The following CDH12 variants were observed in gnomAD, a reference collection of about 807,000 sequenced individuals.
CDH12 encodes the protein cadherin-12.
A neutral mutation model predicts 74.1 loss-of-function variants in CDH12; 41 were observed. The observed-to-expected ratio is 0.55, with a 90% CI of 0.43 to 0.72. The LOEUF (loss-of-function observed/expected upper bound fraction) is 0.72, where lower values mean the gene tolerates loss of function less well. CDH12 is among the 30% of genes least tolerant of loss of function. The pLI, the probability that CDH12 is intolerant of heterozygous loss-of-function variation, is 0.00. For synonymous variants in CDH12, 399 were observed against 355.0 expected (o/e 1.12, Z -1.39); for missense variants, 945 against 977.2 (o/e 0.97, Z 0.44).
intron 3 of CDH12, among the ~76,000 whole-genome samples, chr5:22,343,321 C>G (rs866655098): frequency 2.1e-3 from 263 of 124,232 alleles, no homozygotes; most frequent in African/African-American, 8.9e-3. Flanking sequence ...CAGACACACA[C>G]ACAGAGAGAG....
At chr5:22,508,256 G>A (rs1193858874) in intron 1 of CDH12, among the ~76,000 whole-genome samples, 2 of 152,088 alleles carry the variant, frequency 1.3e-5, no homozygotes, top group African/African-American at 4.8e-5. Flanking sequence ...TCCTATCTAA[G>A]GGGTCTGGAG....
rs558824227 is a variant in CDH12 at position 22,153,984 on chromosome 5, A to C, written c.-187+58514T>G. ...TATATATACACACATACATGCACAG[A>C]TATATATGTATATATATGTATATAT... On this transcript the variant is annotated intron_variant, in intron 4 of 14. Transcript: ENST00000382254. Among the ~76,000 whole-genome samples the C allele has an allele frequency of 7.4e-5, 11 of 148,182 alleles. No individual in the cohort carries two copies. In the East Asian group the frequency reaches 1.6e-3, roughly 21 times the overall value.
At chr5:21,970,701 G>A (rs1238753579) in intron 6 of CDH12, among the ~76,000 whole-genome samples, 1 of 151,708 alleles carries the variant, frequency 6.6e-6, no homozygotes, top group East Asian at 2.0e-4. Context: ...TTAGCTGAGT[G>A]TGGTGGTGCA....
At chr5:22,493,878 A>G (rs1477903810) in intron 2 of CDH12, among the ~76,000 whole-genome samples, 1 of 152,176 alleles carries the variant, frequency 6.6e-6, no homozygotes, top group African/African-American at 2.4e-5. Context: ...CAGACAATAA[A>G]CAATGTGATG....
At chr5:21,776,624 G>T (rs1204051657) in intron 11 of CDH12, among the ~76,000 whole-genome samples, 1 of 152,030 alleles carries the variant, frequency 6.6e-6, no homozygotes, top group Non-Finnish European at 1.5e-5. Flanking sequence ...TTCTATTTAT[G>T]TGCCATCCTC....
At chr5:22,279,590 T>C (rs965754230) in intron 3 of CDH12, among the ~76,000 whole-genome samples, 1 of 152,092 alleles carries the variant, frequency 6.6e-6, no homozygotes, top group African/African-American at 2.4e-5. Flanking sequence ...AGTGTTCTCA[T>C]TGCTCAATTC....
intron 1 of CDH12, among the ~76,000 whole-genome samples, chr5:22,714,509 G>A (rs191379786): frequency 6.6e-6 from 1 of 152,226 alleles, no homozygotes; most frequent in East Asian, 1.9e-4. Flanking sequence ...TCTGATGGCA[G>A]GTCATGAGGA....
At chr5:21,913,343 T>A (rs1379861974) in intron 6 of CDH12, among the ~76,000 whole-genome samples, 10 of 152,184 alleles carry the variant, frequency 6.6e-5, no homozygotes. Context: ...CAATTTTTTT[T>A]AATTAAATAC....
intron 12 of CDH12, among the ~76,000 whole-genome samples, chr5:21,763,565 A>G (rs1294615993): frequency 1.3e-5 from 2 of 152,206 alleles, no homozygotes; most frequent in African/African-American, 4.8e-5. Context: ...TAGTTACGCT[A>G]TTTAAAGGTG....
chr5:22,648,673 G>C (rs561551819), intron 1 of CDH12, among the ~76,000 whole-genome samples: 1 of 151,892 alleles, frequency 6.6e-6, no homozygotes, highest in Non-Finnish European at 1.5e-5. Context: ...TCAAACATAT[G>C]TTCATTATAT....
intron 1 of CDH12, among the ~76,000 whole-genome samples, chr5:22,658,912 G>C (rs1027774265): frequency 6.6e-6 from 1 of 151,002 alleles, no homozygotes; most frequent in Non-Finnish European, 1.5e-5. Flanking sequence ...AAGGCTTATA[G>C]GGGGGGATGT....
chr5:22,562,762 GAAGA>G (rs961583776), intron 1 of CDH12, among the ~76,000 whole-genome samples: 28 of 151,028 alleles, frequency 1.9e-4, no homozygotes, highest in African/African-American at 6.8e-4. Context: ...CTTGACCTTG[GAAGA>G]AAGAGAGACA....
chr5:22,317,190 C>G (rs920006771), intron 3 of CDH12, among the ~76,000 whole-genome samples: 1 of 151,766 alleles, frequency 6.6e-6, no homozygotes, highest in Non-Finnish European at 1.5e-5. Flanking sequence ...TACTGGCGGG[C>G]GCCTGTAATC....
In CDH12 at chr5:22,380,632, T is replaced by G. The variant is rs553221506; in HGVS notation, c.-333+24625A>C. On this transcript the variant is annotated intron_variant, in intron 3 of 14. Transcript: ENST00000382254. ...TACACGCATTTTCTTAAAACTAAGT[T>G]TATTACAATTACTAAATCTGTGTCT... is the stretch of plus-strand genomic sequence containing the variant. Among the ~76,000 whole-genome samples, 4 of 152,280 alleles carry G rather than the reference T, an allele frequency of 2.6e-5. No homozygotes were observed. In the East Asian group the frequency reaches 7.7e-4, roughly 29 times the overall value.
At chr5:22,381,059 A>G (rs1741740020) in intron 3 of CDH12, among the ~76,000 whole-genome samples, 1 of 152,076 alleles carries the variant, frequency 6.6e-6, no homozygotes, top group Non-Finnish European at 1.5e-5. Flanking sequence ...AATTACGACA[A>G]TGTTTGAATT....
At chr5:21,799,977 G>C (rs370810123) in intron 10 of CDH12, among the ~76,000 whole-genome samples, 12 of 152,170 alleles carry the variant, frequency 7.9e-5, no homozygotes, top group African/African-American at 2.9e-4. Flanking sequence ...GAGAGGTGAA[G>C]AATAGAGCTA....
At chr5:22,717,324 G>T (rs1205931961) in intron 1 of CDH12, among the ~76,000 whole-genome samples, 1 of 152,000 alleles carries the variant, frequency 6.6e-6, no homozygotes, top group Non-Finnish European at 1.5e-5. Context: ...ATGTGTTACA[G>T]TTGCCTGCAG....
At chr5:22,505,961 G>A (rs139367380) in intron 1 of CDH12, among the ~76,000 whole-genome samples, 97 of 152,202 alleles carry the variant, frequency 6.4e-4, no homozygotes, top group African/African-American at 2.3e-3. Flanking sequence ...TGTTGACACA[G>A]ATCTTGATCA....
chr5:22,453,871 C>G (rs1437706907), intron 2 of CDH12, among the ~76,000 whole-genome samples: 1 of 151,590 alleles, frequency 6.6e-6, no homozygotes, highest in Non-Finnish European at 1.5e-5. Context: ...ACTAAGTAAT[C>G]GATTATTTTA....
Sources: allele counts gnomAD v4.1 joint callset (sites outside exome capture counted in the v4.1 genomes callset), GRCh38; gene constraint gnomAD v4.1.1; transcripts MANE v1.5; gene names NCBI Gene and HGNC (gene_info 2026-07-23, HGNC 2026-07-21).